FGD3: variants seen among roughly 807,000 people sequenced by gnomAD.
The protein encoded by FGD3 is FYVE, RhoGEF and PH domain containing 3.
Under a neutral mutation model 71.8 loss-of-function variants are expected in FGD3, and 45 were observed. The observed-to-expected ratio is 0.63, with a 90% confidence interval of 0.49 to 0.80. FGD3 has a LOEUF of 0.80. FGD3 is among the 30% of genes least tolerant of loss of function. The pLI is 0.00. For missense variants in FGD3, 844 were observed against 951.5 expected (o/e 0.89, Z 1.49); for synonymous variants, 378 against 392.8 (o/e 0.96, Z 0.44).
intron 6 of FGD3, among the ~76,000 whole-genome samples, chr9:93,007,665 G>A (rs970715874): frequency 1.1e-4 from 17 of 152,156 alleles, no homozygotes; most frequent in African/African-American, 2.9e-4. Context: ...ACACAGCCCC[G>A]GTTGCAGGCT....
intron 1 of FGD3, among the ~76,000 whole-genome samples, chr9:92,950,222 C>T (rs941962562): frequency 2.0e-5 from 3 of 151,984 alleles, no homozygotes; most frequent in Non-Finnish European, 2.9e-5. Flanking sequence ...TCGAGACCAT[C>T]CTGGCTAAGA....
intron 14 of FGD3, among the ~76,000 whole-genome samples, chr9:93,022,748 G>A (rs1861972975): frequency 6.6e-6 from 1 of 152,136 alleles, no homozygotes; most frequent in African/African-American, 2.4e-5. Flanking sequence ...CTTAACATGT[G>A]TGAATCGTCC....
At chr9:92,980,802 C>CT (rs974414112) in intron 3 of FGD3, among the ~76,000 whole-genome samples, 2 of 150,938 alleles carry the variant, frequency 1.3e-5, no homozygotes, top group African/African-American at 4.9e-5. Flanking sequence ...GAAACCCTGT[C>CT]TCTACTAAAA....
Position 93,018,304 on chromosome 9 carries a change from G to T in FGD3, c.1355+89G>T, listed in dbSNP as rs1344205039. Reference sequence around the variant, plus strand: ...AACCTTGTAATATATTTTTATTTATGCATGGCTTAAAATTTAAAAGTACTG... The same window carrying T: ...AACCTTGTAATATATTTTTATTTATTCATGGCTTAAAATTTAAAAGTACTG... On this transcript the variant is annotated intron_variant, in intron 11 of 17. Transcript: ENST00000375482. 2.4e-6 allele frequency: 3 copies of T among 1,247,106 alleles called. No individual in the cohort carries two copies. The Admixed American group carries it at 6.3e-5, about 26-fold the overall frequency. The allele number at this position is 1,247,106 out of a possible 1,614,324, so 77.3% of individuals were successfully genotyped here.
chr9:93,008,703 C>T (rs1056177664), intron 6 of FGD3, among the ~76,000 whole-genome samples: 1 of 152,220 alleles, frequency 6.6e-6, no homozygotes, highest in Non-Finnish European at 1.5e-5. Flanking sequence ...GTAGCTCACG[C>T]CTCTAATCCC....
intron 1 of FGD3, among the ~76,000 whole-genome samples, chr9:92,957,663 T>C (rs1321212740): frequency 6.7e-6 from 1 of 148,666 alleles, no homozygotes; most frequent in Non-Finnish European, 1.5e-5. Flanking sequence ...GATTTGTCTT[T>C]GAAATTTTCT....
intron 16 of FGD3, 155 bp downstream of exon 16, chr9:93,033,028 G>A (rs994506693): frequency 1.3e-6 from 1 of 743,404 alleles, no homozygotes; most frequent in African/African-American, 1.7e-5. Context: ...CCCAGGCTGG[G>A]AACACACTCG....
chr9:93,011,924 C>T (rs1342837167), intron 8 of FGD3, among the ~76,000 whole-genome samples: 3 of 150,950 alleles, frequency 2.0e-5, no homozygotes, highest in Non-Finnish European at 4.4e-5. Flanking sequence ...TTTGGGAGGC[C>T]GAGGCGGGTG....
At chr9:92,948,277 G>C (rs1858892609) in intron 1 of FGD3, among the ~76,000 whole-genome samples, 2 of 152,192 alleles carry the variant, frequency 1.3e-5, no homozygotes. Flanking sequence ...TTTCCCCTAA[G>C]TGTCACTTCT....
chr9:92,997,608 G>A (rs955068626), intron 3 of FGD3, among the ~76,000 whole-genome samples: 1 of 152,166 alleles, frequency 6.6e-6, no homozygotes, highest in African/African-American at 2.4e-5. Flanking sequence ...GCAGTGGCTG[G>A]TACCGGTTGT....
Position 93,015,725 on chromosome 9 carries a change from T to C in FGD3, c.1183-12T>C. The C allele has an allele frequency of 6.2e-7, 1 of 1,613,296 alleles. No individual in the cohort carries two copies. The highest frequency in any genetic ancestry group is 8.5e-7 in the Non-Finnish European group (1 of 1,179,332). ...CAGCTCTCGTTCCTCACCTGTGCCA[T>C]CCCTCTTGCAGTTCAACAGCATGAT... is the stretch of plus-strand genomic sequence containing the variant. On this transcript the variant is annotated splice_polypyrimidine_tract_variant and intron_variant, in intron 9 of 17. Transcript: ENST00000375482.
At chr9:92,994,266 T>C (rs1860540954) in intron 3 of FGD3, among the ~76,000 whole-genome samples, 1 of 152,266 alleles carries the variant, frequency 6.6e-6, no homozygotes, top group South Asian at 2.1e-4. Context: ...AATGTCTTCT[T>C]TTGAGAAGTG....
Position 92,953,195 on chromosome 9 carries a change from C to CT in FGD3, c.-218+5467dup, listed in dbSNP as rs551809865. On this transcript the variant is annotated intron_variant, in intron 1 of 17. Coordinates refer to ENST00000375482, the MANE Select transcript of FGD3 (RefSeq NM_001083536.2). ...CTTATTTTTTAATGTATATCATTCT[C>CT]TATTTACACATTGATAATTTTTTCC... 2.6e-4 allele frequency among the ~76,000 whole-genome samples: 40 copies of CT among 152,178 alleles called. 1 individual carries two copies. The East Asian group carries it at 7.5e-3, about 29-fold the overall frequency.
intron 8 of FGD3, among the ~76,000 whole-genome samples, chr9:93,011,909 A>G (rs1360275744): frequency 6.7e-6 from 1 of 149,884 alleles, no homozygotes; most frequent in East Asian, 2.0e-4. Flanking sequence ...CTGTAATCCC[A>G]GCAATTTGGG....
chr9:93,001,209 A>ATC (rs1282228981), intron 3 of FGD3, among the ~76,000 whole-genome samples: 1 of 151,990 alleles, frequency 6.6e-6, no homozygotes, highest in African/African-American at 2.4e-5. Context: ...TTTTAAAGTC[A>ATC]TCTATCTGTT....
chr9:93,016,961 C>A (rs1013885006), intron 10 of FGD3, among the ~76,000 whole-genome samples: 6 of 152,208 alleles, frequency 3.9e-5, no homozygotes, highest in African/African-American at 1.4e-4. Context: ...AAAGTGGTTT[C>A]TTCTAACTAC....
chr9:92,952,660 C>T (rs1266846034), intron 1 of FGD3, among the ~76,000 whole-genome samples: 1 of 152,006 alleles, frequency 6.6e-6, no homozygotes, highest in Non-Finnish European at 1.5e-5. Flanking sequence ...CTCCTTCCCC[C>T]TCTTTCTCCT....
In FGD3 at chr9:93,029,019, T is replaced by G. The variant is rs1055060802; in HGVS notation, c.1558-855T>G. Among the ~76,000 whole-genome samples, 321 of 129,954 alleles carry G rather than the reference T, an allele frequency of 2.5e-3. 9 individuals carry two copies. Among genetic ancestry groups the G allele is most frequent in the African/African-American group, 8.4e-3 (289 of 34,400 alleles). 85.3% of individuals were successfully genotyped at this position (129,954 alleles called of 152,430 possible). ...AGTTTTTTTTTTTTTTTTTTTTTTT[T>G]TTTTTTTTTTTTTTTTTTGAGACAG... On this transcript the variant is annotated intron_variant, in intron 14 of 17. Transcript: ENST00000375482.
rs1021157382 is a variant in FGD3, at chr9:92,967,957, G to A, written c.-217-7281G>A. 2.0e-5 allele frequency among the ~76,000 whole-genome samples: 3 copies of A among 152,212 alleles called. No homozygotes were observed. In the East Asian group the frequency reaches 5.8e-4, roughly 29 times the overall value. On this transcript the variant is annotated intron_variant, in intron 1 of 17. Coordinates refer to ENST00000375482, the MANE Select transcript of FGD3 (RefSeq NM_001083536.2). ...CAGGTTTCTAGGGATGGACACTTGA[G>A]GGGCTTCCACCCTTTGGCTGTTGTA...
Sources: allele counts gnomAD v4.1 joint callset (sites outside exome capture counted in the v4.1 genomes callset), GRCh38; gene constraint gnomAD v4.1.1; transcripts MANE v1.5; gene names NCBI Gene and HGNC (gene_info 2026-07-23, HGNC 2026-07-21).